NOX5: variants seen among roughly 807,000 people sequenced by gnomAD.
The protein encoded by NOX5 is NADPH oxidase, EF-hand calcium binding domain 5.
A neutral mutation model predicts 85.7 loss-of-function variants in NOX5; 76 were observed. The observed-to-expected ratio is 0.89, with a 90% CI of 0.74 to 1.07. The LOEUF is 1.07. Ranked by LOEUF, NOX5 falls within the 50% of genes least tolerant of loss-of-function variation. NOX5 has a pLI of 0.00. For missense variants in NOX5, 973 were observed against 999.5 expected (o/e 0.97, Z 0.36); for synonymous variants, 405 against 401.4 (o/e 1.01, Z -0.11).
intron 9 of NOX5, among the ~76,000 whole-genome samples, chr15:69,040,478 C>T (rs2050579875): frequency 6.6e-6 from 1 of 152,154 alleles, no homozygotes; most frequent in Admixed American, 6.5e-5. Context: ...ACACTACAGG[C>T]AGTGTTTCAT....
intron 3 of NOX5, chr15:69,029,592 C>A (rs1415880428): frequency 6.6e-6 from 1 of 151,898 alleles, no homozygotes; most frequent in African/African-American, 2.4e-5. Context: ...ATACTGTTTT[C>A]CACAGTGGCT....
chr15:69,015,202 C>T (rs908206007), intron 1 of NOX5, among the ~76,000 whole-genome samples: 2 of 152,124 alleles, frequency 1.3e-5, no homozygotes, highest in African/African-American at 4.8e-5. Context: ...GCACATTGTT[C>T]CCCTTGAGCT....
chr15:69,055,144 T>C (rs947633206), intron 14 of NOX5, among the ~76,000 whole-genome samples, 190 bp from the exon 15 acceptor site: 2 of 152,338 alleles, frequency 1.3e-5, no homozygotes, highest in Middle Eastern at 3.4e-3. Context: ...ATGTGTGCCA[T>C]GTACATAGTA....
At position 69,062,739 on chromosome 15, in the gene NOX5, C is replaced by G. The variant is rs995655149; in HGVS notation, c.*6043C>G. On this transcript the variant is annotated 3_prime_UTR_variant, in exon 16 of 16. Transcript: ENST00000388866. ...GTCCCTCCCATCGCAGAATAAACAG[C>G]CTGCTCCGTAGGATTGTACTGTACG... 6.6e-6 allele frequency: 1 copy of G among 152,264 alleles called. No individual in the cohort carries two copies. Among genetic ancestry groups the G allele is most frequent in the Non-Finnish European group, 1.5e-5 (1 of 68,070 alleles). 9.4% of individuals were successfully genotyped at this position (152,264 alleles called of 1,614,324 possible).
At chr15:69,051,655 A>G (rs1249312968) in intron 14 of NOX5, among the ~76,000 whole-genome samples, 3 of 152,136 alleles carry the variant, frequency 2.0e-5, no homozygotes, top group Non-Finnish European at 2.9e-5. Context: ...GATTACAGGC[A>G]TGCACCACTG....
In NOX5 at chr15:69,047,503, C is replaced by T; in HGVS notation, c.1783C>T (p.Pro595Ser). The change falls in exon 12 of 16, where the codon CCC becomes TCC. Residue 595 changes from proline (P) to serine (S), a missense_variant. By Grantham distance (74) the Pro-to-Ser change is moderately conservative. Coordinates refer to ENST00000388866, the MANE Select transcript of NOX5 (RefSeq NM_024505.4). ...CATCGGGGCAGGCATCGGCATCACC[C>T]CCTTTGCTTCCATTCTGCAGAGTAT... is the stretch of plus-strand genomic sequence containing the variant. ...VLIGAGIGIT[P>S]FASILQSIMY... The T allele has an allele frequency of 6.2e-7, 1 of 1,614,016 alleles. No individual in the cohort carries two copies. Among genetic ancestry groups the T allele is most frequent in the South Asian group, 1.1e-5 (1 of 91,076 alleles).
At chr15:69,047,615 C>T in intron 12 of NOX5, 78 bp downstream of exon 12, 1 of 1,517,544 alleles carries the variant, frequency 6.6e-7, no homozygotes, top group South Asian at 1.3e-5. Context: ...TCCCTTTATT[C>T]CTTCTCCTTC....
chr15:69,045,536 T>TTGTCTTTCTTTCTTTCTTTCTTTC (rs2050653240), intron 10 of NOX5, among the ~76,000 whole-genome samples: 1 of 94,470 alleles, frequency 1.1e-5, no homozygotes, highest in African/African-American at 5.0e-5. Flanking sequence ...TTCCTTTCTT[T>TTGTCTTTCTTTCTTTCTTTCTTTC]TTTCTTTCTT....
At position 69,058,001 on chromosome 15, in the gene NOX5, T is replaced by G. The variant is rs1031105412; in HGVS notation, c.*1305T>G. On this transcript the variant is annotated 3_prime_UTR_variant, in exon 16 of 16. Coordinates refer to ENST00000388866, the MANE Select transcript of NOX5 (RefSeq NM_024505.4). Reference sequence around the variant, plus strand: ...CAGGGTGGGCCTCACCTCCTCCATCTGAGCTGGACATTTCCATCTGTGCCA... The same window carrying G: ...CAGGGTGGGCCTCACCTCCTCCATCGGAGCTGGACATTTCCATCTGTGCCA... The G allele has an allele frequency of 2.6e-5, 4 of 152,462 alleles. No individual in the cohort carries two copies. The highest frequency in any genetic ancestry group is 9.6e-5 in the African/African-American group (4 of 41,460). 9.4% of individuals were successfully genotyped at this position (152,462 alleles called of 1,614,324 possible).
intron 9 of NOX5, 121 bp from the exon 10 acceptor site, chr15:69,042,542 A>C (rs1261918639): frequency 9.6e-7 from 1 of 1,042,024 alleles, no homozygotes; most frequent in Non-Finnish European, 1.4e-6. Context: ...CTGAGGAAGG[A>C]CATTCAAACC....
At chr15:69,040,325 A>T (rs2050577747) in intron 9 of NOX5, among the ~76,000 whole-genome samples, 1 of 152,258 alleles carries the variant, frequency 6.6e-6, no homozygotes, top group Admixed American at 6.5e-5. Flanking sequence ...CAAAATATGT[A>T]CAGAAGAAAA....
At chr15:69,047,202 A>G in intron 11 of NOX5, 1 of 632,368 alleles carries the variant, frequency 1.6e-6, no homozygotes, top group Non-Finnish European at 2.6e-6. Flanking sequence ...CTAGCTCTGC[A>G]CTGTAACACC....
Position 69,056,790 on chromosome 15 carries a change from C to T in NOX5, c.*94C>T. 4 of 1,488,058 alleles carry T rather than the reference C, an allele frequency of 2.7e-6. No individual in the cohort carries two copies. The highest frequency in any genetic ancestry group is 2.3e-5 in the East Asian group (1 of 43,132). The allele number at this position is 1,488,058 out of a possible 1,614,324, so 92.2% of individuals were successfully genotyped here. On this transcript the variant is annotated 3_prime_UTR_variant, in exon 16 of 16. Coordinates refer to ENST00000388866, the MANE Select transcript of NOX5 (RefSeq NM_024505.4). ...CCCACAGGGACCAGCCTCAGATGAC[C>T]CACCCAATAAGACAAAGCCTAGGGA...
intron 3 of NOX5, chr15:69,028,963 G>C (rs1242609066): frequency 6.6e-6 from 1 of 151,948 alleles, no homozygotes; most frequent in Non-Finnish European, 1.5e-5. Context: ...TTGCTTTACA[G>C]TGTCATTTTT....
intron 1 of NOX5, among the ~76,000 whole-genome samples, chr15:69,021,137 T>C (rs1423227463): frequency 6.6e-6 from 1 of 152,146 alleles, no homozygotes; most frequent in Non-Finnish European, 1.5e-5. Context: ...GTTAAACTTG[T>C]ATAGAATTTC....
At chr15:69,042,593 G>C (rs998053604) in intron 9 of NOX5, 70 bp from the exon 10 acceptor site, 7 of 1,518,900 alleles carry the variant, frequency 4.6e-6, no homozygotes, top group Non-Finnish European at 6.2e-6. Flanking sequence ...TCCCTCCAGT[G>C]GGGTGAGGCT....
intron 1 of NOX5, among the ~76,000 whole-genome samples, chr15:69,026,141 G>A (rs1324294398): frequency 1.3e-5 from 2 of 152,178 alleles, no homozygotes; most frequent in East Asian, 1.9e-4. Flanking sequence ...TAGTGGTGGT[G>A]GGAAATATTT....
At chr15:69,016,730 TGAG>T (rs1472472627) in intron 1 of NOX5, among the ~76,000 whole-genome samples, 1 of 151,988 alleles carries the variant, frequency 6.6e-6, no homozygotes, top group Non-Finnish European at 1.5e-5. Context: ...TTTTAATAAA[TGAG>T]GAAACTGAAG....
chr15:69,037,256 G>C (rs373530732), intron 8 of NOX5, 46 bp downstream of exon 8: 21 of 1,560,990 alleles, frequency 1.3e-5, no homozygotes, highest in Non-Finnish European at 1.7e-5. Flanking sequence ...CTCACCCCAA[G>C]GGACAGTTTG....
Sources: gnomAD v4.1 joint callset for allele counts (sites outside exome capture counted in the v4.1 genomes callset) on GRCh38, gnomAD v4.1.1 for gene constraint, MANE v1.5 for transcripts, NCBI Gene and HGNC (gene_info 2026-07-23, HGNC 2026-07-21) for gene names.